Variants in PAPPA2 observed in about 807,000 individuals in gnomAD.
PAPPA2 encodes the protein pappalysin-2.
A neutral mutation model predicts 176.4 loss-of-function variants in PAPPA2; 86 were observed. The observed-to-expected ratio is 0.49, with a 90% CI of 0.41 to 0.58. The LOEUF (loss-of-function observed/expected upper bound fraction) is 0.58, where lower values mean the gene tolerates loss of function less well. Among genes scored for constraint, PAPPA2 ranks in the 20% least tolerant of loss-of-function variants. PAPPA2 has a pLI of 0.00. For synonymous variants in PAPPA2, 809 were observed against 852.2 expected, an observed-to-expected ratio of 0.95 and a Z score of 0.88; for missense variants, 2,073 against 2,256.9, an observed-to-expected ratio of 0.92 and a Z score of 1.65.
At chr1:176,773,324 T>C (rs1175444457) in intron 17 of PAPPA2, among the ~76,000 whole-genome samples, 15 of 152,352 alleles carry the variant, frequency 9.8e-5, no homozygotes, top group Admixed American at 7.8e-4. Context: ...TCATGTTTAC[T>C]CAGTGAACTA....
chr1:176,470,265 G>A (rs893289951), intron 1 of PAPPA2, among the ~76,000 whole-genome samples: 3 of 152,106 alleles, frequency 2.0e-5, no homozygotes, highest in Non-Finnish European at 4.4e-5. Context: ...AGCAACTTGG[G>A]CTAACTCTCT....
intron 7 of PAPPA2, among the ~76,000 whole-genome samples, chr1:176,698,362 C>T (rs982959908): frequency 1.6e-4 from 24 of 152,184 alleles, no homozygotes; most frequent in South Asian, 2.1e-4. Context: ...TGCTAGTTCT[C>T]GATTCAACAC....
chr1:176,662,163 C>G (rs1249228172), intron 3 of PAPPA2, among the ~76,000 whole-genome samples: 1 of 152,134 alleles, frequency 6.6e-6, no homozygotes, highest in Non-Finnish European at 1.5e-5. Flanking sequence ...CAGGTTTAAA[C>G]CTTTCCTCCA....
intron 3 of PAPPA2, among the ~76,000 whole-genome samples, chr1:176,599,930 C>T (rs994612539): frequency 1.3e-5 from 2 of 152,084 alleles, no homozygotes; most frequent in Non-Finnish European, 2.9e-5. Context: ...TTTCTTTCTT[C>T]TCAGCTCTCT....
At chr1:176,756,645 T>A (rs1178026938) in intron 14 of PAPPA2, among the ~76,000 whole-genome samples, 1 of 152,124 alleles carries the variant, frequency 6.6e-6, no homozygotes, top group African/African-American at 2.4e-5. Context: ...AGAGAGCACT[T>A]TTGGCTGTGT....
chr1:176,549,507 T>G (rs535640731), intron 1 of PAPPA2, among the ~76,000 whole-genome samples: 6 of 152,232 alleles, frequency 3.9e-5, no homozygotes, highest in African/African-American at 7.2e-5. Flanking sequence ...CTCAGAGAAG[T>G]TCATTAACTT....
At chr1:176,783,189 T>G (rs1456846182) in intron 17 of PAPPA2, among the ~76,000 whole-genome samples, 1 of 152,150 alleles carries the variant, frequency 6.6e-6, no homozygotes, top group Admixed American at 6.5e-5. Context: ...ATAGTATAGA[T>G]GTATATTTTC....
chr1:176,739,884 C>A, intron 13 of PAPPA2, 96 bp from the exon 14 acceptor site: 1 of 1,558,760 alleles, frequency 6.4e-7, no homozygotes, highest in Non-Finnish European at 8.8e-7. Context: ...TAGGTTTTGG[C>A]ATCATACACC....
chr1:176,729,983 A>G (rs902925340), intron 12 of PAPPA2, among the ~76,000 whole-genome samples: 2 of 152,084 alleles, frequency 1.3e-5, no homozygotes, highest in African/African-American at 4.8e-5. Flanking sequence ...TTAGTTGTCA[A>G]ATCATTTTTG....
intron 12 of PAPPA2, among the ~76,000 whole-genome samples, chr1:176,730,176 C>G (rs1485538176): frequency 6.6e-6 from 1 of 151,578 alleles, no homozygotes. Flanking sequence ...TTTTCTGGAG[C>G]CACTTGTATA....
At chr1:176,640,195 AT>A (rs1656988508) in intron 3 of PAPPA2, among the ~76,000 whole-genome samples, 1 of 149,816 alleles carries the variant, frequency 6.7e-6, no homozygotes, top group Non-Finnish European at 1.5e-5. Context: ...TTATTTATTT[AT>A]TTATTATTAT....
intron 3 of PAPPA2, among the ~76,000 whole-genome samples, chr1:176,598,408 G>T (rs1654103301): frequency 6.6e-6 from 1 of 151,920 alleles, no homozygotes; most frequent in Non-Finnish European, 1.5e-5. Flanking sequence ...CCTTGCCCTT[G>T]CATCCTTCCA....
chr1:176,670,924 T>C, intron 3 of PAPPA2, 46 bp from the exon 4 acceptor site: 1 of 1,610,754 alleles, frequency 6.2e-7, no homozygotes. Context: ...ATTCTCTAAG[T>C]ACCAATTCTT....
rs141357929 is a variant in PAPPA2 at position 176,667,544 on chromosome 1, C to G, written c.1992-3426C>G. Among the ~76,000 whole-genome samples the G allele has an allele frequency of 1.1e-3, 170 of 152,154 alleles. 3 individuals carry two copies. The highest frequency in any genetic ancestry group is 0.01 in the Middle Eastern group (3 of 294). Reference sequence around the variant, plus strand: ...AATGCTAGTTGGTGCTTCCGGGGGCCCACAAGTCCCAAGGTGTGGGCCCAG... The same window carrying G: ...AATGCTAGTTGGTGCTTCCGGGGGCGCACAAGTCCCAAGGTGTGGGCCCAG... On this transcript the variant is annotated intron_variant, in intron 3 of 22. Coordinates refer to ENST00000367662, the MANE Select transcript of PAPPA2 (RefSeq NM_020318.3).
intron 3 of PAPPA2, among the ~76,000 whole-genome samples, chr1:176,647,546 G>T (rs1240806984): frequency 6.6e-6 from 1 of 151,582 alleles, no homozygotes; most frequent in Non-Finnish European, 1.5e-5. Flanking sequence ...ATAGTTTGAG[G>T]CCTTACATTT....
In PAPPA2 at chr1:176,690,267, C is replaced by A. The variant is rs371272791; in HGVS notation, c.2268C>A (p.Asp756Glu). 1 of 1,614,096 alleles carries A rather than the reference C, an allele frequency of 6.2e-7. No individual in the cohort carries two copies. The highest frequency in any genetic ancestry group is 8.5e-7 in the Non-Finnish European group (1 of 1,180,012). Residue 756 changes from aspartate (D) to glutamate (E), a missense_variant, in exon 5 of 23, where the codon GAC (aspartate) becomes GAA (glutamate). By Grantham distance (45) the Asp-to-Glu change is conservative. Transcript: ENST00000367662. Reference protein sequence around the residue: ...KGVSERESCNDPCKETVPSME... With the variant: ...KGVSERESCNEPCKETVPSME... Reference sequence around the variant, plus strand: ...TCAGTGAAAGAGAATCCTGCAATGACCCCTGCAAGGAGACAGTGCCATCCA... The same window carrying A: ...TCAGTGAAAGAGAATCCTGCAATGAACCCTGCAAGGAGACAGTGCCATCCA...
In PAPPA2 at chr1:176,556,080, A is replaced by T; in HGVS notation, c.-243A>T. The stretch of plus-strand genomic sequence containing the variant: ...AAAGTACAGCAAGAGGAGAGAGGTC[A>T]AGCGAGAAGCGTGCGGGAAGCACAT... On this transcript the variant is annotated 5_prime_UTR_variant, in exon 2 of 23. An upstream open reading frame in the 5' UTR gains an earlier in-frame stop. Transcript: ENST00000367662. The T allele has an allele frequency of 1.9e-6, 1 of 513,040 alleles. No homozygotes were observed. Among genetic ancestry groups the T allele is most frequent in the Non-Finnish European group, 3.4e-6 (1 of 291,790 alleles). The allele number at this position is 513,040 out of a possible 1,614,324, so 31.8% of individuals were successfully genotyped here. A position where few individuals can be genotyped will look rare whatever the true frequency, so the allele number is the denominator to read the frequency against.
intron 3 of PAPPA2, among the ~76,000 whole-genome samples, chr1:176,656,153 A>G (rs1658019274): frequency 6.6e-6 from 1 of 151,760 alleles, no homozygotes; most frequent in Non-Finnish European, 1.5e-5. Context: ...CATCTTGCAT[A>G]TTGTCAAGTG....
chr1:176,622,986 G>A (rs927990888), intron 3 of PAPPA2, among the ~76,000 whole-genome samples: 12 of 152,130 alleles, frequency 7.9e-5, no homozygotes, highest in African/African-American at 2.7e-4. Flanking sequence ...CATCCTTTGA[G>A]CCTCTTTTAT....
Sources: allele counts gnomAD v4.1 joint callset (sites outside exome capture counted in the v4.1 genomes callset), GRCh38; gene constraint gnomAD v4.1.1; transcripts MANE v1.5; gene names NCBI Gene and HGNC (gene_info 2026-07-23, HGNC 2026-07-21).